The following KDM5C variants were observed in gnomAD, a reference collection of about 807,000 sequenced individuals.
KDM5C encodes the protein lysine demethylase 5C, also known as lysine-specific demethylase 5C.
In KDM5C, 16 loss-of-function variants were observed where a neutral mutation model predicts 110.6. The observed-to-expected ratio is 0.14, with a 90% confidence interval of 0.10 to 0.22. The LOEUF is 0.22. Ranked by LOEUF, KDM5C falls within the 10% of genes least tolerant of loss-of-function variation. KDM5C has a pLI of 1.00. For synonymous variants in KDM5C, 511 were observed against 520.4 expected (o/e 0.98, Z 0.24); for missense variants, 681 against 1,300.9 (o/e 0.52, Z 7.33).
intron 19 of KDM5C, among the ~76,000 whole-genome samples, chrX:53,196,361 C>T (rs1160042084): frequency 8.9e-6 from 1 of 112,667 alleles, no homozygotes; most frequent in Non-Finnish European, 1.9e-5. Flanking sequence ...AGTTTGTCAA[C>T]TGCCCTGTGT....
intron 12 of KDM5C, among the ~76,000 whole-genome samples, chrX:53,204,560 G>C (rs1405826473): frequency 1.8e-5 from 2 of 109,297 alleles, no homozygotes; most frequent in East Asian, 5.7e-4. Context: ...GCAGTGGTGT[G>C]ATCTCGGCTC....
At position 53,192,876 on chromosome X, in the gene KDM5C, C is replaced by CCCCCCCCCCCCCCAA; in HGVS notation, c.*90_*91insTTGGGGGGGGGGGGG. ...AGGGATGGCCACCCCCCTACCCGCC[C>CCCCCCCCCCCCCCAA]ACCCCCCAAGAAGCAGGCTTGATGG... On this transcript the variant is annotated 3_prime_UTR_variant, in exon 26 of 26. Coordinates refer to ENST00000375401, the MANE Select transcript of KDM5C (RefSeq NM_004187.5). 5.1e-6 allele frequency: 5 copies of CCCCCCCCCCCCCCAA among 987,028 alleles called. No homozygotes were observed. Among genetic ancestry groups the CCCCCCCCCCCCCCAA allele is most frequent in the Non-Finnish European group, 5.3e-6 (4 of 749,313 alleles). 81.3% of individuals were successfully genotyped at this position (987,028 alleles called of 1,213,427 possible).
chrX:53,196,078 G>A lies in KDM5C; in HGVS notation c.2982-24C>T, dbSNP rs372081447. On this transcript the variant is annotated intron_variant, in intron 19 of 25. Coordinates refer to ENST00000375401, the MANE Select transcript of KDM5C (RefSeq NM_004187.5). ...GCCTAAAGGTAAGGAAAAAAAGAAC[G>A]CTCAGTCTGATGTGGTCTGCCTGAC... 1.7e-5 allele frequency: 21 copies of A among 1,208,259 alleles called. No homozygotes were observed. In the African/African-American group the frequency reaches 2.8e-4, roughly 16 times the overall value.
chrX:53,180,550 C>A (rs994664894), intron 25 of KDM5C, among the ~76,000 whole-genome samples: 16 of 109,145 alleles, frequency 1.5e-4, no homozygotes, highest in African/African-American at 5.0e-4. Context: ...ACTTTCCACT[C>A]AATTTTGCTG....
intron 12 of KDM5C, among the ~76,000 whole-genome samples, chrX:53,207,351 T>A (rs1485453277): frequency 1.8e-5 from 2 of 111,449 alleles, no homozygotes; most frequent in African/African-American, 6.5e-5. Flanking sequence ...TTCTTTTGTT[T>A]CGTACTAAGT....
chrX:53,178,383 C>G (rs1933938051), intron 25 of KDM5C, among the ~76,000 whole-genome samples: 1 of 111,947 alleles, frequency 8.9e-6, no homozygotes, highest in Non-Finnish European at 1.9e-5. Flanking sequence ...CATTCTTTGT[C>G]TCTATGTGAT....
At chrX:53,218,858 GCCACTGCA>G in intron 2 of KDM5C, 1 of 249,781 alleles carries the variant, frequency 4.0e-6, no homozygotes, top group Non-Finnish European at 7.5e-6. Context: ...ACAGGCACAA[GCCACTGCA>G]CCACTGCACC....
intron 1 of KDM5C, among the ~76,000 whole-genome samples, chrX:53,224,492 G>A (rs1556856002): frequency 1.8e-5 from 2 of 111,898 alleles, no homozygotes; most frequent in African/African-American, 6.5e-5. Context: ...AGGAATCCCT[G>A]TCTTAAACCC....
intron 12 of KDM5C, among the ~76,000 whole-genome samples, chrX:53,207,591 A>C (rs1556846194): frequency 8.9e-6 from 1 of 112,275 alleles, no homozygotes; most frequent in East Asian, 2.8e-4. Flanking sequence ...AGATGTTTAC[A>C]GTGGAGAGAA....
At chrX:53,207,890 A>AGTGAGCTGAGATC (rs2073398393) in intron 12 of KDM5C, among the ~76,000 whole-genome samples, 1 of 102,545 alleles carries the variant, frequency 9.8e-6, no homozygotes, top group African/African-American at 3.6e-5. Context: ...AGGAGGTTGC[A>AGTGAGCTGAGATC]GTGAGCTGAG....
Position 53,193,352 on chromosome X carries a change from G to C in KDM5C, c.4318-20C>G, listed in dbSNP as rs1361519045. On this transcript the variant is annotated intron_variant, in intron 25 of 25. Coordinates refer to ENST00000375401, the MANE Select transcript of KDM5C (RefSeq NM_004187.5). The stretch of plus-strand genomic sequence containing the variant: ...CTCCAGCTGTGATTACAGACAGGCA[G>C]AAAGACAGGTTGTGGGCCAGTGGTC... 6.6e-6 allele frequency: 8 copies of C among 1,209,899 alleles called. No individual in the cohort carries two copies. In the Admixed American group the frequency reaches 1.7e-4, roughly 26 times the overall value.
chrX:53,193,442 G>C lies in KDM5C; in HGVS notation c.4312C>G (p.Leu1438Val). The change falls in exon 25 of 26, where the codon CTG (leucine) becomes GTG (valine). Residue 1438 changes from leucine (L) to valine (V), a missense_variant. Physicochemically the swap from Leu to Val is conservative, Grantham distance 32 (BLOSUM62 1). Around this residue, in one of 14 missense-constraint regions of KDM5C, gnomAD observed 115 missense variants for 120.9 expected, o/e 0.95. Transcript: ENST00000375401. The stretch of plus-strand genomic sequence containing the variant: ...CCCATGACCCCTCTCCTCACCTCCA[G>C]AAGTGTGCGGATCCTCTCCAGGTCT... ...PPDLERIRTL[L>V]ELEKAERHGS... 2.5e-6 allele frequency: 3 copies of C among 1,211,547 alleles called. No individual in the cohort carries two copies. The highest frequency in any genetic ancestry group is 2.2e-6 in the Non-Finnish European group (2 of 895,404).
chrX:53,203,872 T>A (rs1159138387), intron 12 of KDM5C, among the ~76,000 whole-genome samples: 1 of 110,335 alleles, frequency 9.1e-6, no homozygotes, highest in Non-Finnish European at 1.9e-5. Flanking sequence ...GTTCAAGTGA[T>A]TCTCCTGCCT....
At position 53,193,293 on chromosome X, in the gene KDM5C, G is replaced by A. The variant is rs782302305; in HGVS notation, c.4357C>T (p.Arg1453Trp). The A allele has an allele frequency of 4.1e-6, 5 of 1,209,788 alleles. No homozygotes were observed. The highest frequency in any genetic ancestry group is 3.0e-5 in the East Asian group (1 of 33,776). The change falls in exon 26 of 26, where the codon CGG becomes TGG. Residue 1453 changes from arginine to tryptophan, a missense_variant. Coordinates refer to ENST00000375401, the MANE Select transcript of KDM5C (RefSeq NM_004187.5). ...CGCCGCCGCCGCCTCTCCAGGGCCCGGCCCCGAGCCCGACTCCCGTGACGC... is the reference window on the plus strand; with the variant it reads ...CGCCGCCGCCGCCTCTCCAGGGCCCAGCCCCGAGCCCGACTCCCGTGACGC... ...AERHGSRARG[R>W]ALERRRRRKV...
At chrX:53,197,605 C>T in intron 18 of KDM5C, 166 bp downstream of exon 18, 4 of 483,138 alleles carry the variant, frequency 8.3e-6, no homozygotes, top group Non-Finnish European at 1.5e-5. Context: ...CCATTTCTAA[C>T]AGACAAGTCA....
downstream of KDM5C, among the ~76,000 whole-genome samples, chrX:53,190,732 G>A (rs1934382467): frequency 8.9e-6 from 1 of 111,922 alleles, no homozygotes; most frequent in African/African-American, 3.3e-5. Context: ...AAGCAGGGCT[G>A]AGCCAGACCT....
chrX:53,218,038 A>C, intron 3 of KDM5C, 72 bp from the exon 4 acceptor site: 1 of 1,062,471 alleles, frequency 9.4e-7, no homozygotes, highest in Non-Finnish European at 1.3e-6. Context: ...GCCTGTAGAA[A>C]GGGCAAAAGG....
At chrX:53,203,772 G>GTT (rs111759007) in intron 12 of KDM5C, among the ~76,000 whole-genome samples, 11 of 99,311 alleles carry the variant, frequency 1.1e-4, no homozygotes, top group African/African-American at 4.0e-4. Context: ...TCAGTTTTTT[G>GTT]TTTTTTTTTT....
At position 53,225,191 on chromosome X, in the gene KDM5C, C is replaced by G. The variant is rs1207016737; in HGVS notation, c.-302G>C. ...ACGCCGCGGCCTTCAGCGCCGCCGC[C>G]GCCATCTTGGTTTGTCAGCGTCTCC... On this transcript the variant is annotated 5_prime_UTR_variant, in exon 1 of 26. Transcript: ENST00000375401. 4 of 355,912 alleles carry G rather than the reference C, an allele frequency of 1.1e-5. No individual in the cohort carries two copies. Among genetic ancestry groups the G allele is most frequent in the Non-Finnish European group, 1.9e-5 (4 of 205,784 alleles). 29.3% of individuals were successfully genotyped at this position (355,912 alleles called of 1,213,427 possible).
Sources: gnomAD v4.1 joint callset for allele counts (sites outside exome capture counted in the v4.1 genomes callset) on GRCh38, gnomAD v4.1.1 for gene constraint, gnomAD v4.1.1 regional missense constraint, MANE v1.5 for transcripts, NCBI Gene and HGNC (gene_info 2026-07-23, HGNC 2026-07-21) for gene names.